Variants in TENM3 observed in about 807,000 individuals in gnomAD.
TENM3 encodes teneurin transmembrane protein 3.
TENM3 carries 63 observed loss-of-function variants against 255.1 expected under a neutral mutation model. The ratio of observed to expected loss-of-function variants is 0.25; its 90% confidence interval spans 0.20 to 0.30. The LOEUF is 0.30. Ranked by LOEUF, TENM3 falls within the 10% of genes least tolerant of loss-of-function variation. The pLI, the probability that TENM3 is intolerant of heterozygous loss-of-function variation, is 1.00. For synonymous variants in TENM3, 1,306 were observed against 1,322.3 expected, an observed-to-expected ratio of 0.99 and a Z score of 0.27; for missense variants, 2,929 against 3,461.1, an observed-to-expected ratio of 0.85 and a Z score of 3.86.
chr4:182,148,561 C>A (rs1279057431), intron 1 of TENM3, among the ~76,000 whole-genome samples: 1 of 152,032 alleles, frequency 6.6e-6, no homozygotes, highest in Non-Finnish European at 1.5e-5. Flanking sequence ...TAACTGTAAT[C>A]CATCTAGGTT....
the TENM3 span, among the ~76,000 whole-genome samples, chr4:181,670,385 A>C: frequency 6.6e-6 from 1 of 151,874 alleles, no homozygotes; most frequent in Non-Finnish European, 1.5e-5. Flanking sequence ...ACAAAGTGAT[A>C]CTGCTGTATT....
At chr4:181,813,794 C>T in the TENM3 span, among the ~76,000 whole-genome samples, 12 of 151,964 alleles carry the variant, frequency 7.9e-5, no homozygotes, top group South Asian at 4.2e-4. Context: ...TCTCATCTTA[C>T]GGAGGTAGAA....
chr4:181,473,207 C>T, the TENM3 span, among the ~76,000 whole-genome samples: 14,959 of 152,014 alleles, frequency 0.098, 872 homozygotes, highest in East Asian at 0.13. Context: ...CAAAATATTA[C>T]AATTTTAAAC....
rs184047710 is a variant in TENM3, at chr4:182,395,248, C to T, written c.511+48319C>T. On this transcript the variant is annotated intron_variant, in intron 3 of 27. Transcript: ENST00000511685. ...TAGGAGTAACATTGAGCCTCCTATA[C>T]AGCCTGGCTTTTTCAGGAAATTAAC... Among the ~76,000 whole-genome samples, 12 of 152,292 alleles carry T rather than the reference C, an allele frequency of 7.9e-5. No homozygotes were observed. The East Asian group carries it at 2.3e-3, about 29-fold the overall frequency.
chr4:182,643,376 A>G (rs1026822908), intron 5 of TENM3, among the ~76,000 whole-genome samples: 2 of 152,188 alleles, frequency 1.3e-5, no homozygotes, highest in African/African-American at 4.8e-5. Context: ...AAAATCAAGA[A>G]CAACATCGGT....
At chr4:181,992,807 A>T in the TENM3 span, among the ~76,000 whole-genome samples, 1 of 152,164 alleles carries the variant, frequency 6.6e-6, no homozygotes, top group Non-Finnish European at 1.5e-5. Flanking sequence ...GAGAAATGCA[A>T]ACCTGTTTTT....
chr4:182,646,347 G>T (rs1752737623), intron 5 of TENM3, among the ~76,000 whole-genome samples: 1 of 152,184 alleles, frequency 6.6e-6, no homozygotes, highest in South Asian at 2.1e-4. Flanking sequence ...GGAGAATTAT[G>T]AAAGGAAAAT....
chr4:182,351,005 C>T (rs900924938), intron 3 of TENM3, among the ~76,000 whole-genome samples: 4 of 152,078 alleles, frequency 2.6e-5, no homozygotes, highest in Non-Finnish European at 5.9e-5. Flanking sequence ...TTAAAAGAGC[C>T]GTGACTGAAG....
chr4:182,554,907 G>A (rs775902670), intron 3 of TENM3, among the ~76,000 whole-genome samples: 1 of 147,130 alleles, frequency 6.8e-6, no homozygotes, highest in South Asian at 2.1e-4. Context: ...CATGATGTAC[G>A]TTTCTCTAAA....
At chr4:181,845,042 G>A in the TENM3 span, among the ~76,000 whole-genome samples, 1 of 152,100 alleles carries the variant, frequency 6.6e-6, no homozygotes, top group Non-Finnish European at 1.5e-5. Flanking sequence ...TGTTATTCAT[G>A]CAATGTGATA....
intron 1 of TENM3, among the ~76,000 whole-genome samples, chr4:182,236,863 G>A (rs1350673545): frequency 6.6e-6 from 1 of 152,110 alleles, no homozygotes; most frequent in African/African-American, 2.4e-5. Context: ...TTAAGTTCTG[G>A]GATACACATG....
the TENM3 span, among the ~76,000 whole-genome samples, chr4:181,509,606 T>C: frequency 6.6e-6 from 1 of 152,162 alleles, no homozygotes. Flanking sequence ...CAGGTGGGCC[T>C]TCTTAAGGTC....
the TENM3 span, among the ~76,000 whole-genome samples, chr4:181,745,326 T>C: frequency 6.6e-6 from 1 of 151,284 alleles, no homozygotes; most frequent in African/African-American, 2.4e-5. Flanking sequence ...AGGAGAGAAA[T>C]TGGGAAATGG....
chr4:182,709,911 A>G (rs1440354899), intron 12 of TENM3, among the ~76,000 whole-genome samples: 1 of 152,166 alleles, frequency 6.6e-6, no homozygotes, highest in Non-Finnish European at 1.5e-5. Context: ...TTGACCGGCT[A>G]TATATTTTAA....
chr4:182,751,991 A>T lies in TENM3; in HGVS notation c.3821A>T (p.Asp1274Val). 6.2e-7 allele frequency: 1 copy of T among 1,612,616 alleles called. No individual in the cohort carries two copies. The highest frequency in any genetic ancestry group is 1.3e-5 in the African/African-American group (1 of 74,752). ...CLPFDEARCG[D>V]GGKAVEATLM... ...CCGTTTGACGAGGCGAGATGTGGGG[A>T]TGGAGGGAAGGCCGTGGAAGCCACA... The change falls in exon 20 of 28, where the codon GAT becomes GTT. Residue 1274 changes from aspartate to valine, a missense_variant. Asp to Val is a radical substitution (Grantham distance 152, BLOSUM62 -3). Transcript: ENST00000511685.
the TENM3 span, among the ~76,000 whole-genome samples, chr4:181,765,800 T>A: frequency 6.6e-6 from 1 of 152,138 alleles, no homozygotes. Context: ...GGGAAAAGGT[T>A]TAGAAAGGAA....
chr4:182,166,877 G>GT (rs143482495), intron 1 of TENM3, among the ~76,000 whole-genome samples: 34,443 of 149,596 alleles, frequency 0.23, 4,081 homozygotes, highest in Admixed American at 0.33. Context: ...AAACTCTTGG[G>GT]TTTTTTTTTT....
intron 19 of TENM3, among the ~76,000 whole-genome samples, chr4:182,749,515 A>AAT (rs572475131): frequency 1.3e-5 from 2 of 152,208 alleles, no homozygotes; most frequent in South Asian, 4.1e-4. Context: ...AAGGACGGTT[A>AAT]ATTCTTAGTG....
intron 12 of TENM3, among the ~76,000 whole-genome samples, chr4:182,709,128 A>ACGCACCAC (rs1308860989): frequency 2.6e-5 from 4 of 151,950 alleles, no homozygotes; most frequent in South Asian, 2.1e-4. Context: ...GACTACAGGC[A>ACGCACCAC]CGCACCACCA....
Sources: allele counts gnomAD v4.1 joint callset (sites outside exome capture counted in the v4.1 genomes callset), GRCh38; gene constraint gnomAD v4.1.1; transcripts MANE v1.5; gene names NCBI Gene and HGNC (gene_info 2026-07-23, HGNC 2026-07-21).